KCNH5: variants seen among roughly 807,000 people sequenced by gnomAD.
The protein encoded by KCNH5 is potassium voltage-gated channel subfamily H member 5.
KCNH5 carries 46 observed loss-of-function variants against 96.1 expected under a neutral mutation model. The observed-to-expected ratio is 0.48, with a 90% CI of 0.38 to 0.61. The LOEUF (loss-of-function observed/expected upper bound fraction) is 0.61. KCNH5 is among the 20% of genes least tolerant of loss of function. The probability of loss-of-function intolerance (pLI) is 0.00; values close to 1 mark genes in which losing one functional copy is unlikely to be tolerated. For synonymous variants in KCNH5, 439 were observed against 449.8 expected, an observed-to-expected ratio of 0.98 and a Z score of 0.30; for missense variants, 907 against 1,225.8, an observed-to-expected ratio of 0.74 and a Z score of 3.88.
At chr14:62,829,485 C>A (rs1222928784) in intron 8 of KCNH5, among the ~76,000 whole-genome samples, 1 of 152,216 alleles carries the variant, frequency 6.6e-6, no homozygotes, top group African/African-American at 2.4e-5. Context: ...GTCTTATGTG[C>A]ACCCACAGGC....
intron 6 of KCNH5, among the ~76,000 whole-genome samples, chr14:62,955,097 AC>A (rs200713695): frequency 9.2e-4 from 139 of 151,578 alleles, no homozygotes; most frequent in African/African-American, 2.7e-3. Flanking sequence ...AAAAAAAAAA[AC>A]CCCTCAAAAC....
At chr14:62,945,065 T>C (rs987602209) in intron 7 of KCNH5, among the ~76,000 whole-genome samples, 3 of 152,178 alleles carry the variant, frequency 2.0e-5, no homozygotes, top group Non-Finnish European at 4.4e-5. Flanking sequence ...CTAGCAAGTA[T>C]AATTGGCTAT....
At chr14:62,886,197 T>C (rs936137679) in intron 7 of KCNH5, among the ~76,000 whole-genome samples, 3 of 151,724 alleles carry the variant, frequency 2.0e-5, no homozygotes, top group African/African-American at 7.3e-5. Context: ...GGCTGCAACT[T>C]TGGAACAGAT....
At chr14:62,807,227 A>G (rs375709916) in intron 8 of KCNH5, among the ~76,000 whole-genome samples, 2 of 152,166 alleles carry the variant, frequency 1.3e-5, no homozygotes, top group Non-Finnish European at 2.9e-5. Context: ...AACAAAAAAT[A>G]AAAAACATGA....
At chr14:62,771,393 G>A (rs183279947) in intron 10 of KCNH5, among the ~76,000 whole-genome samples, 245 of 152,214 alleles carry the variant, frequency 1.6e-3, no homozygotes, top group African/African-American at 4.9e-3. Context: ...TTGGGAGGCC[G>A]AGGTGGGCAG....
At chr14:62,848,119 T>G (rs2140043982) in intron 8 of KCNH5, among the ~76,000 whole-genome samples, 1 of 152,342 alleles carries the variant, frequency 6.6e-6, no homozygotes, top group Non-Finnish European at 1.5e-5. Flanking sequence ...TTACTGATTT[T>G]TATTAGTTAC....
intron 3 of KCNH5, 125 bp downstream of exon 3, chr14:63,006,241 T>A (rs1454570211): frequency 1.0e-5 from 5 of 479,928 alleles, no homozygotes; most frequent in African/African-American, 2.0e-5. Context: ...CAGCAACCTC[T>A]GCCCCTGCCA....
chr14:62,946,546 T>C (rs1889891166), intron 7 of KCNH5, among the ~76,000 whole-genome samples: 1 of 151,936 alleles, frequency 6.6e-6, no homozygotes, highest in African/African-American at 2.4e-5. Flanking sequence ...CCAGGGTACA[T>C]GTGCAGGATG....
intron 10 of KCNH5, among the ~76,000 whole-genome samples, chr14:62,713,229 T>A (rs756960685): frequency 4.1e-4 from 62 of 152,230 alleles, no homozygotes; most frequent in Admixed American, 5.9e-4. Flanking sequence ...GGGCACTTTA[T>A]AGTTCCTTCA....
chr14:62,736,787 T>A (rs557734892), intron 10 of KCNH5, among the ~76,000 whole-genome samples: 2 of 152,330 alleles, frequency 1.3e-5, no homozygotes, highest in Non-Finnish European at 2.9e-5. Context: ...TTATCTAAAG[T>A]AAACCTGTCT....
intron 1 of KCNH5, among the ~76,000 whole-genome samples, chr14:63,020,452 C>A (rs1354709986): frequency 6.6e-6 from 1 of 152,174 alleles, no homozygotes; most frequent in African/African-American, 2.4e-5. Context: ...CATATTTACA[C>A]AAGGAGTACT....
intron 7 of KCNH5, among the ~76,000 whole-genome samples, chr14:62,913,161 T>G: frequency 6.6e-6 from 1 of 152,168 alleles, no homozygotes; most frequent in East Asian, 1.9e-4. Flanking sequence ...CTTGTTGGCC[T>G]CGAATATAAA....
In KCNH5 at chr14:62,812,884, C is replaced by T. The variant is rs563813120; in HGVS notation, c.1570-10303G>A. On this transcript the variant is annotated intron_variant, in intron 8 of 10. Coordinates refer to ENST00000322893, the MANE Select transcript of KCNH5 (RefSeq NM_139318.5). ...ACTCATTATCACATTATAATCAATT[C>T]CTATGCTATGAAATACATATTTTAA... Among the ~76,000 whole-genome samples, 8 of 152,190 alleles carry T rather than the reference C, an allele frequency of 5.3e-5. No homozygotes were observed. In the East Asian group the frequency reaches 1.5e-3, roughly 29 times the overall value.
At chr14:62,943,183 A>G (rs1889822007) in intron 7 of KCNH5, among the ~76,000 whole-genome samples, 2 of 152,174 alleles carry the variant, frequency 1.3e-5, no homozygotes, top group African/African-American at 2.4e-5. Flanking sequence ...ATGCAGATGT[A>G]GAGTCCCTTA....
chr14:62,924,141 G>A (rs531879907), intron 7 of KCNH5, among the ~76,000 whole-genome samples: 4 of 151,762 alleles, frequency 2.6e-5, no homozygotes, highest in South Asian at 4.2e-4. Context: ...CAAATAACCC[G>A]ACTTTAAAAT....
rs1491463227 is a variant in KCNH5, at chr14:62,847,149, T to TA, written c.1569+2503_1569+2504insT. Among the ~76,000 whole-genome samples the TA allele has an allele frequency of 3.4e-4, 49 of 144,524 alleles. 1 individual carries two copies. Among genetic ancestry groups the TA allele is most frequent in the South Asian group, 4.3e-4 (2 of 4,696 alleles). The allele number at this position is 144,524 out of a possible 152,430, so 94.8% of individuals were successfully genotyped here. A position where few individuals can be genotyped will look rare whatever the true frequency, so the allele number is the denominator to read the frequency against. ...TTTTAAAATTAAATATTTTTATATATTTTTTATATATATATATTATATATA... is the reference window on the plus strand; with the variant it reads ...TTTTAAAATTAAATATTTTTATATATATTTTTATATATATATATTATATATA... On this transcript the variant is annotated intron_variant, in intron 8 of 10. Coordinates refer to ENST00000322893, the MANE Select transcript of KCNH5 (RefSeq NM_139318.5).
intron 8 of KCNH5, among the ~76,000 whole-genome samples, chr14:62,841,927 T>A (rs1382001589): frequency 1.3e-5 from 2 of 152,262 alleles, no homozygotes; most frequent in African/African-American, 4.8e-5. Flanking sequence ...TTCTCATTTC[T>A]GGACTGTGGC....
chr14:62,837,867 A>G (rs1188357819), intron 8 of KCNH5, among the ~76,000 whole-genome samples: 1 of 152,222 alleles, frequency 6.6e-6, no homozygotes, highest in East Asian at 1.9e-4. Flanking sequence ...CTACGGATGT[A>G]CTGACATTTC....
chr14:63,021,780 T>C (rs1208686546), intron 1 of KCNH5, among the ~76,000 whole-genome samples: 2 of 152,098 alleles, frequency 1.3e-5, no homozygotes, highest in Non-Finnish European at 2.9e-5. Context: ...TTCAGAAGCG[T>C]TGGTAACCAC....
Sources: allele counts gnomAD v4.1 joint callset (sites outside exome capture counted in the v4.1 genomes callset), GRCh38; gene constraint gnomAD v4.1.1; transcripts MANE v1.5; gene names NCBI Gene and HGNC (gene_info 2026-07-23, HGNC 2026-07-21).